Variants in LRRC57 observed in about 807,000 individuals in gnomAD.
LRRC57 encodes leucine-rich repeat-containing protein 57.
In LRRC57, 14 loss-of-function variants were observed where a neutral mutation model predicts 23.1. The observed-to-expected ratio is 0.61, with a 90% CI of 0.40 to 0.95. The LOEUF is 0.95. Among genes scored for constraint, LRRC57 ranks in the 40% least tolerant of loss-of-function variants. The pLI, the probability that LRRC57 is intolerant of heterozygous loss-of-function variation, is 0.00. For synonymous variants in LRRC57, 106 were observed against 115.2 expected, an observed-to-expected ratio of 0.92 and a Z score of 0.51; for missense variants, 236 against 284.4, an observed-to-expected ratio of 0.83 and a Z score of 1.22.
At chr15:42,530,711 T>C in the LRRC57 span, among the ~76,000 whole-genome samples, 2 of 152,098 alleles carry the variant, frequency 1.3e-5, no homozygotes, top group African/African-American at 4.8e-5. Flanking sequence ...GATTGCACCA[T>C]TGCATTCCAG....
intron 5 of LRRC57, 22 bp downstream of exon 5, chr15:42,545,055 G>T (rs764036765): frequency 6.5e-7 from 1 of 1,529,698 alleles, no homozygotes; most frequent in Non-Finnish European, 8.8e-7. Flanking sequence ...GACTAGAAAT[G>T]CAGAAGTACA....
chr15:42,544,044 A>C lies in LRRC57; in HGVS notation c.*39T>G, dbSNP rs920216609. 2.5e-6 allele frequency: 4 copies of C among 1,591,452 alleles called. No individual in the cohort carries two copies. The highest frequency in any genetic ancestry group is 3.4e-6 in the Non-Finnish European group (4 of 1,162,418). On this transcript the variant is annotated 3_prime_UTR_variant, in exon 6 of 6. Transcript: ENST00000397130. ...CAGCCACATTCCAACAGAGGTTCTA[A>C]GTCAGTATCCTGTAAGGTTTCCATA...
At chr15:42,535,704 G>A (rs1228059443), downstream of LRRC57, among the ~76,000 whole-genome samples, 3 of 152,106 alleles carry the variant, frequency 2.0e-5, no homozygotes, top group African/African-American at 4.8e-5. Flanking sequence ...GTGAGCCAAC[G>A]CGCCCGGCTA....
chr15:42,528,372 AGCTTC>A, the LRRC57 span: 6 of 1,614,180 alleles, frequency 3.7e-6, no homozygotes, highest in Non-Finnish European at 5.1e-6. Flanking sequence ...ACAAATGGTC[AGCTTC>A]AGCAACCAAC....
Position 42,540,233 on chromosome 15 carries a change from A to C in LRRC57, c.*3850T>G, listed in dbSNP as rs1029690372. The C allele has an allele frequency of 6.6e-6, 1 of 151,972 alleles. No homozygotes were observed. Among genetic ancestry groups the C allele is most frequent in the African/African-American group, 2.4e-5 (1 of 41,352 alleles). 9.4% of individuals were successfully genotyped at this position (151,972 alleles called of 1,614,324 possible). A position where few individuals can be genotyped will look rare whatever the true frequency, so the allele number is the denominator to read the frequency against. On this transcript the variant is annotated 3_prime_UTR_variant, in exon 6 of 6. Coordinates refer to ENST00000397130, the MANE Select transcript of LRRC57 (RefSeq NM_153260.3). ...AAAGGGCATTCCCAACTGAGTGAAC[A>C]ATACAGTTGGCCCTAAGTATCCATG...
chr15:42,531,537 T>A, the LRRC57 span: 1 of 1,351,948 alleles, frequency 7.4e-7, no homozygotes, highest in East Asian at 2.4e-5. Flanking sequence ...TTGAAAGTTA[T>A]TACCTTTTCA....
the LRRC57 span, among the ~76,000 whole-genome samples, chr15:42,530,107 C>T: frequency 6.6e-6 from 1 of 152,046 alleles, no homozygotes; most frequent in African/African-American, 2.4e-5. Flanking sequence ...TTTTTCTCTC[C>T]CAAATGAGTT....
rs2057620556 is a variant in LRRC57 at position 42,540,038 on chromosome 15, A to G, written c.*4045T>C. ...TGGTGAAACCCCGTCTCTACTAAAA[A>G]TACAAAAATTAGCCAGGTGTGGTGG... On this transcript the variant is annotated 3_prime_UTR_variant, in exon 6 of 6. Coordinates refer to ENST00000397130, the MANE Select transcript of LRRC57 (RefSeq NM_153260.3). 6.6e-6 allele frequency: 1 copy of G among 152,174 alleles called. No individual in the cohort carries two copies. Among genetic ancestry groups the G allele is most frequent in the African/African-American group, 2.4e-5 (1 of 41,420 alleles). The allele number at this position is 152,174 out of a possible 1,614,324, so 9.4% of individuals were successfully genotyped here.
chr15:42,545,528 G>GT (rs1566826296), intron 4 of LRRC57: 2 of 242,778 alleles, frequency 8.2e-6, no homozygotes, highest in Non-Finnish European at 1.6e-5. Context: ...TAAAAGCACT[G>GT]TATGTTCATT....
chr15:42,544,876 A>C, intron 5 of LRRC57, among the ~76,000 whole-genome samples: 1 of 149,614 alleles, frequency 6.7e-6, no homozygotes, highest in African/African-American at 2.5e-5. Context: ...ACAAAGATGA[A>C]GACAAAGATG....
Position 42,539,652 on chromosome 15 carries a change from T to C in LRRC57, c.*4431A>G, listed in dbSNP as rs1304722945. 6 of 152,104 alleles carry C rather than the reference T, an allele frequency of 3.9e-5. No homozygotes were observed. Among genetic ancestry groups the C allele is most frequent in the Admixed American group, 3.9e-4 (6 of 15,266 alleles). The allele number at this position is 152,104 out of a possible 1,614,324, so 9.4% of individuals were successfully genotyped here. A position where few individuals can be genotyped will look rare whatever the true frequency, so the allele number is the denominator to read the frequency against. ...AAAAAAAAAATTAGGTGACTTGGAC[T>C]AGTGGCCAGATTCAAATCTGGGTCT... On this transcript the variant is annotated 3_prime_UTR_variant, in exon 6 of 6. Coordinates refer to ENST00000397130, the MANE Select transcript of LRRC57 (RefSeq NM_153260.3).
In LRRC57 at chr15:42,548,118, T is replaced by C. The variant is rs997837449; in HGVS notation, c.211A>G (p.Asn71Asp). The part of the protein sequence containing the change: ...FTLLKSLSLN[N>D]NKLTVLPDEI... Reference sequence around the variant, plus strand: ...GCGAGAGCCATACTCAGTTTGTTGTTGTTCAGGGAGAGGCTCTTCAGCAGA... The same window carrying C: ...GCGAGAGCCATACTCAGTTTGTTGTCGTTCAGGGAGAGGCTCTTCAGCAGA... The change falls in exon 3 of 6, where the codon AAC becomes GAC. Residue 71 changes from asparagine to aspartate, a missense_variant. Coordinates refer to ENST00000397130, the MANE Select transcript of LRRC57 (RefSeq NM_153260.3). 3.1e-6 allele frequency: 5 copies of C among 1,614,212 alleles called. No homozygotes were observed. Among genetic ancestry groups the C allele is most frequent in the Non-Finnish European group, 4.2e-6 (5 of 1,180,038 alleles).
In LRRC57 at chr15:42,544,091, ACTT is replaced by A. The variant is rs1351657392; in HGVS notation, c.709_711del (p.Lys237del). On this transcript the variant is annotated inframe_deletion, in exon 6 of 6. Transcript: ENST00000397130. ...CATAGTCCTGGAGAACTTCACGCAAACTTCTTCTTGGTGGCTGTGAACCTCTCC... is the reference window on the plus strand; with the variant it reads ...CATAGTCCTGGAGAACTTCACGCAAACTTCTTGGTGGCTGTGAACCTCTCC... 1.9e-6 allele frequency: 3 copies of A among 1,613,044 alleles called. No homozygotes were observed. Among genetic ancestry groups the A allele is most frequent in the Non-Finnish European group, 2.5e-6 (3 of 1,179,440 alleles).
chr15:42,545,036 TG>T, intron 5 of LRRC57, 40 bp downstream of exon 5: 1 of 1,412,098 alleles, frequency 7.1e-7, no homozygotes, highest in Non-Finnish European at 9.6e-7. Context: ...TTGTCTTCTC[TG>T]GGGTAGTGAC....
At chr15:42,536,035 G>A (rs528529575), downstream of LRRC57, among the ~76,000 whole-genome samples, 7 of 152,214 alleles carry the variant, frequency 4.6e-5, no homozygotes, top group South Asian at 2.1e-4. Flanking sequence ...CCATGATTGC[G>A]CCACTACACT....
intron 5 of LRRC57, among the ~76,000 whole-genome samples, chr15:42,544,840 C>CTATATATAT (rs1167773259): frequency 1.3e-4 from 14 of 108,982 alleles, no homozygotes; most frequent in African/African-American, 4.5e-4. Context: ...CACACACACA[C>CTATATATAT]ACTATATATA....
chr15:42,535,263 C>G (rs2057594800), downstream of LRRC57, among the ~76,000 whole-genome samples: 1 of 152,212 alleles, frequency 6.6e-6, no homozygotes, highest in Admixed American at 6.5e-5. Context: ...CCTCATGAAC[C>G]AACCTTGGGT....
chr15:42,531,039 T>G, the LRRC57 span, among the ~76,000 whole-genome samples: 2 of 152,184 alleles, frequency 1.3e-5, no homozygotes, highest in Admixed American at 6.5e-5. Flanking sequence ...ATTCTATGAT[T>G]CAGTTCAGAG....
At chr15:42,537,233 T>TCACACACACACA (rs71108166), downstream of LRRC57, among the ~76,000 whole-genome samples, 32 of 136,586 alleles carry the variant, frequency 2.3e-4, no homozygotes, top group African/African-American at 8.1e-4. Context: ...TCTCTCTCTC[T>TCACACACACACA]CACACACACA....
Sources: allele counts gnomAD v4.1 joint callset (sites outside exome capture counted in the v4.1 genomes callset), GRCh38; gene constraint gnomAD v4.1.1; transcripts MANE v1.5; gene names NCBI Gene and HGNC (gene_info 2026-07-23, HGNC 2026-07-21).